The following LINGO2 variants were observed in gnomAD, a reference collection of about 807,000 sequenced individuals.
LINGO2 encodes the protein leucine rich repeat and Ig domain containing 2.
Under a neutral mutation model 30.6 loss-of-function variants are expected in LINGO2, and 14 were observed. That is an observed-to-expected ratio of 0.46 (90% CI 0.30 to 0.72). LINGO2 has a LOEUF of 0.72. Ranked by LOEUF, LINGO2 falls within the 30% of genes least tolerant of loss-of-function variation. The pLI is 0.07. For missense variants in LINGO2, 729 were observed against 751.7 expected (o/e 0.97, Z 0.35); for synonymous variants, 317 against 288.5 (o/e 1.10, Z -1.00).
chr9:28,045,665 A>G (rs761243350), intron 4 of LINGO2, among the ~76,000 whole-genome samples: 2 of 152,196 alleles, frequency 1.3e-5, no homozygotes, highest in Non-Finnish European at 2.9e-5. Flanking sequence ...TAAACTTGGA[A>G]TATTGACCAA....
the LINGO2 span, among the ~76,000 whole-genome samples, chr9:28,757,805 A>C: frequency 2.0e-5 from 3 of 152,032 alleles, no homozygotes; most frequent in Non-Finnish European, 4.4e-5. Flanking sequence ...TCAAGAGGCC[A>C]CAACCTCCCA....
At chr9:28,736,006 C>A in the LINGO2 span, among the ~76,000 whole-genome samples, 1 of 152,110 alleles carries the variant, frequency 6.6e-6, no homozygotes, top group Non-Finnish European at 1.5e-5. Flanking sequence ...AGACACTGAA[C>A]ATAAACAGTG....
At chr9:28,575,408 C>T (rs1175930286) in intron 1 of LINGO2, among the ~76,000 whole-genome samples, 3 of 123,038 alleles carry the variant, frequency 2.4e-5, no homozygotes, top group Non-Finnish European at 3.6e-5. Flanking sequence ...AAAAAAAAAA[C>T]AACAAAAAAA....
intron 2 of LINGO2, among the ~76,000 whole-genome samples, chr9:28,381,137 G>C (rs990574099): frequency 1.3e-5 from 2 of 152,032 alleles, no homozygotes; most frequent in Non-Finnish European, 2.9e-5. Context: ...ATGGGGTTTG[G>C]GTTCAGGGAG....
At chr9:28,119,161 G>C (rs960751574) in intron 4 of LINGO2, among the ~76,000 whole-genome samples, 4 of 152,154 alleles carry the variant, frequency 2.6e-5, no homozygotes, top group Non-Finnish European at 1.5e-5. Context: ...GTCTCGAAAA[G>C]GCATCATAGG....
At chr9:28,848,929 AG>A in the LINGO2 span, among the ~76,000 whole-genome samples, 7 of 152,004 alleles carry the variant, frequency 4.6e-5, no homozygotes, top group African/African-American at 1.7e-4. Context: ...GTATTAGCAC[AG>A]GGGTCCTTTG....
intron 1 of LINGO2, among the ~76,000 whole-genome samples, chr9:28,572,957 G>A (rs1389432226): frequency 1.3e-5 from 2 of 152,010 alleles, no homozygotes; most frequent in African/African-American, 4.8e-5. Flanking sequence ...AACCTTCCTG[G>A]CCATGAACCA....
At chr9:28,916,447 C>T in the LINGO2 span, among the ~76,000 whole-genome samples, 1 of 152,122 alleles carries the variant, frequency 6.6e-6, no homozygotes, top group Non-Finnish European at 1.5e-5. Flanking sequence ...GCTTCCCCTG[C>T]AGAATGAAAA....
chr9:28,797,351 TATATATATAGAGAGAGAGAG>T, the LINGO2 span, among the ~76,000 whole-genome samples: 1 of 62,508 alleles, frequency 1.6e-5, no homozygotes, highest in African/African-American at 5.8e-5. Context: ...TATATATATA[TATATATATAGAGAGAGAGAG>T]AGAGAGAGAG....
chr9:28,284,908 A>G (rs941351201), intron 4 of LINGO2, among the ~76,000 whole-genome samples: 1 of 152,218 alleles, frequency 6.6e-6, no homozygotes, highest in Non-Finnish European at 1.5e-5. Context: ...GTATTACCTC[A>G]AAGTCAAAAC....
chr9:28,604,912 C>T (rs904463928), intron 1 of LINGO2, among the ~76,000 whole-genome samples: 1 of 151,968 alleles, frequency 6.6e-6, no homozygotes, highest in Non-Finnish European at 1.5e-5. Context: ...GCTAAGTACT[C>T]TTGCAAACAT....
At chr9:29,105,406 C>A in the LINGO2 span, among the ~76,000 whole-genome samples, 1 of 152,136 alleles carries the variant, frequency 6.6e-6, no homozygotes, top group Non-Finnish European at 1.5e-5. Context: ...AATTTTTCTA[C>A]GTAACCTCAA....
At chr9:28,486,113 T>C (rs1032045188) in intron 1 of LINGO2, among the ~76,000 whole-genome samples, 1 of 152,134 alleles carries the variant, frequency 6.6e-6, no homozygotes, top group Non-Finnish European at 1.5e-5. Context: ...CAATTTAGTA[T>C]GGATGAGGAG....
intron 5 of LINGO2, among the ~76,000 whole-genome samples, chr9:27,963,451 G>A (rs927391774): frequency 6.6e-6 from 1 of 152,072 alleles, no homozygotes; most frequent in South Asian, 2.1e-4. Flanking sequence ...AAAAACACAA[G>A]TAAGAAAGGA....
At chr9:29,121,423 A>G in the LINGO2 span, among the ~76,000 whole-genome samples, 1 of 152,164 alleles carries the variant, frequency 6.6e-6, no homozygotes, top group Non-Finnish European at 1.5e-5. Flanking sequence ...TCATCTCATT[A>G]TCCAAGCAGA....
At chr9:28,691,731 T>C in the LINGO2 span, among the ~76,000 whole-genome samples, 11 of 152,236 alleles carry the variant, frequency 7.2e-5, no homozygotes, top group Admixed American at 5.9e-4. Flanking sequence ...ATAATTCATA[T>C]CTCCATGTAG....
At chr9:28,794,049 T>G in the LINGO2 span, among the ~76,000 whole-genome samples, 8 of 152,314 alleles carry the variant, frequency 5.3e-5, no homozygotes, top group African/African-American at 1.9e-4. Context: ...CTCACGCCTG[T>G]AATCCCAGCA....
At chr9:29,027,579 C>A in the LINGO2 span, among the ~76,000 whole-genome samples, 1 of 152,144 alleles carries the variant, frequency 6.6e-6, no homozygotes, top group Non-Finnish European at 1.5e-5. Flanking sequence ...CCCAAGTGAT[C>A]AGCTCACCTT....
At chr9:28,411,511 C>T (rs1456432430) in intron 2 of LINGO2, among the ~76,000 whole-genome samples, 1 of 152,084 alleles carries the variant, frequency 6.6e-6, no homozygotes, top group African/African-American at 2.4e-5. Context: ...ATCACCATTT[C>T]CCCTTCCTGC....
Sources: gnomAD v4.1 joint callset for allele counts (sites outside exome capture counted in the v4.1 genomes callset) on GRCh38, gnomAD v4.1.1 for gene constraint, MANE v1.5 for transcripts, NCBI Gene and HGNC (gene_info 2026-07-23, HGNC 2026-07-21) for gene names.